The following ADGRB3 variants were observed in gnomAD, a reference collection of about 807,000 sequenced individuals.
The protein encoded by ADGRB3 is adhesion G protein-coupled receptor B3.
In ADGRB3, 37 loss-of-function variants were observed where a neutral mutation model predicts 193.4. The observed-to-expected ratio is 0.19, with a 90% CI of 0.15 to 0.25. The LOEUF (loss-of-function observed/expected upper bound fraction) is 0.25, where lower values mean the gene tolerates loss of function less well. Ranked by LOEUF, ADGRB3 falls within the 10% of genes least tolerant of loss-of-function variation. The pLI is 1.00. For missense variants in ADGRB3, 1,637 were observed against 1,852.9 expected, an observed-to-expected ratio of 0.88 and a Z score of 2.14; for synonymous variants, 690 against 644.2, an observed-to-expected ratio of 1.07 and a Z score of -1.08.
At chr6:68,852,164 A>C (rs1311217883) in intron 3 of ADGRB3, among the ~76,000 whole-genome samples, 2 of 151,898 alleles carry the variant, frequency 1.3e-5, no homozygotes, top group Non-Finnish European at 3.0e-5. Flanking sequence ...AAAATTATTT[A>C]TCAAATACCA....
chr6:69,343,792 G>C (rs1271333244), intron 26 of ADGRB3, among the ~76,000 whole-genome samples: 2 of 152,048 alleles, frequency 1.3e-5, no homozygotes, highest in Non-Finnish European at 2.9e-5. Context: ...TTTAGCAACA[G>C]AACCTAAATC....
chr6:69,326,405 G>A (rs997868583), intron 21 of ADGRB3, among the ~76,000 whole-genome samples: 3 of 152,116 alleles, frequency 2.0e-5, no homozygotes, highest in Admixed American at 1.3e-4. Flanking sequence ...ACAGGTAAAA[G>A]AACACATTTT....
intron 30 of ADGRB3, among the ~76,000 whole-genome samples, chr6:69,373,304 T>G (rs1193004849): frequency 6.6e-6 from 1 of 152,062 alleles, no homozygotes; most frequent in Non-Finnish European, 1.5e-5. Context: ...TGCTAACTAC[T>G]CCTAATTCAG....
chr6:68,724,665 T>G (rs1230575417), intron 3 of ADGRB3, among the ~76,000 whole-genome samples: 1 of 54,776 alleles, frequency 1.8e-5, no homozygotes, highest in Admixed American at 1.8e-4. Flanking sequence ...AAACCCATAT[T>G]TTTTTTTTTT....
At chr6:68,711,766 A>T (rs1329829768) in intron 3 of ADGRB3, among the ~76,000 whole-genome samples, 2 of 152,078 alleles carry the variant, frequency 1.3e-5, no homozygotes, top group East Asian at 1.9e-4. Flanking sequence ...ATTCATACTC[A>T]TGGCTTCAAT....
intron 3 of ADGRB3, among the ~76,000 whole-genome samples, chr6:68,751,020 G>A (rs965197435): frequency 2.6e-5 from 4 of 152,070 alleles, no homozygotes; most frequent in African/African-American, 9.7e-5. Context: ...TCCCTTGAGT[G>A]CAGGTTTCCT....
chr6:69,139,413 G>C (rs556559629), intron 17 of ADGRB3, among the ~76,000 whole-genome samples: 6 of 152,232 alleles, frequency 3.9e-5, no homozygotes, highest in Non-Finnish European at 8.8e-5. Flanking sequence ...CTCTCAGTGA[G>C]AGATGTTATT....
intron 3 of ADGRB3, among the ~76,000 whole-genome samples, chr6:68,885,174 TTGAA>T (rs982339901): frequency 1.3e-5 from 2 of 152,058 alleles, no homozygotes; most frequent in Non-Finnish European, 2.9e-5. Flanking sequence ...CTGGGAGAAT[TTGAA>T]TGGTCTGAAG....
At chr6:69,242,036 A>G (rs1021628451) in intron 20 of ADGRB3, among the ~76,000 whole-genome samples, 1 of 151,778 alleles carries the variant, frequency 6.6e-6, no homozygotes, top group Admixed American at 6.6e-5. Flanking sequence ...ACAATATCAC[A>G]TTTTCTAGGG....
intron 24 of ADGRB3, among the ~76,000 whole-genome samples, chr6:69,337,263 T>C (rs543229530): frequency 1.6e-4 from 25 of 152,342 alleles, no homozygotes; most frequent in African/African-American, 5.8e-4. Flanking sequence ...ACAGCCTATC[T>C]TCTGTGATAA....
chr6:69,010,503 A>G (rs904444160), intron 11 of ADGRB3, among the ~76,000 whole-genome samples: 6 of 152,134 alleles, frequency 3.9e-5, no homozygotes, highest in African/African-American at 1.4e-4. Flanking sequence ...TAAAGTTGCC[A>G]TATATCAAGC....
At chr6:68,974,567 C>T (rs536841354) in intron 8 of ADGRB3, among the ~76,000 whole-genome samples, 196 bp from the exon 9 acceptor site, 17 of 151,880 alleles carry the variant, frequency 1.1e-4, no homozygotes, top group Non-Finnish European at 1.8e-4. Context: ...CAGTAGTTTG[C>T]GGCTGCACAG....
chr6:68,980,324 G>A (rs566798410), intron 10 of ADGRB3, among the ~76,000 whole-genome samples: 33 of 151,604 alleles, frequency 2.2e-4, no homozygotes, highest in African/African-American at 7.2e-4. Context: ...CTTATGGGTA[G>A]TTTATTAGAA....
chr6:69,226,957 T>C (rs185543379), intron 17 of ADGRB3, among the ~76,000 whole-genome samples: 1 of 152,362 alleles, frequency 6.6e-6, no homozygotes, highest in South Asian at 2.1e-4. Context: ...TTTTGATCAA[T>C]TCAAGTCACC....
At chr6:68,886,413 C>A (rs2150227073) in intron 3 of ADGRB3, among the ~76,000 whole-genome samples, 1 of 152,200 alleles carries the variant, frequency 6.6e-6, no homozygotes, top group South Asian at 2.1e-4. Context: ...AATGCTGTAA[C>A]TTTTCTCTAT....
chr6:68,797,530 A>G (rs1437543584), intron 3 of ADGRB3, among the ~76,000 whole-genome samples: 1 of 152,052 alleles, frequency 6.6e-6, no homozygotes, highest in Non-Finnish European at 1.5e-5. Flanking sequence ...GCATCTTTGG[A>G]AAGTAGGGAA....
Position 69,049,303 on chromosome 6 carries a change from G to A in ADGRB3, c.2290G>A (p.Ala764Thr), listed in dbSNP as rs112866971. The A allele has an allele frequency of 8.2e-5, 132 of 1,608,296 alleles. No individual in the cohort carries two copies. Among genetic ancestry groups the A allele is most frequent in the African/African-American group, 5.5e-4 (41 of 74,796 alleles). The change falls in exon 15 of 32, where the codon GCA becomes ACA. Residue 764 changes from alanine (A) to threonine (T), a missense_variant. Physicochemically the swap from Ala to Thr is moderately conservative, Grantham distance 58. Around this residue, in one of 7 missense-constraint regions of ADGRB3, gnomAD observed 641 missense variants for 673.9 expected, o/e 0.95. Transcript: ENST00000370598. ...TGAATCATCTGTATTTGTTCTTGGC[G>A]CAGTCCTATACAAAAACTTAGATCT... ...LDESSVFVLGAVLYKNLDLIL... is the reference protein window; with the variant it reads ...LDESSVFVLGTVLYKNLDLIL...
chr6:68,908,236 T>G (rs890409089), intron 3 of ADGRB3, among the ~76,000 whole-genome samples: 4 of 152,036 alleles, frequency 2.6e-5, no homozygotes, highest in African/African-American at 7.2e-5. Context: ...GATGACCAAT[T>G]CTAAGGTTTC....
chr6:69,296,525 G>C (rs1767821281), intron 20 of ADGRB3, among the ~76,000 whole-genome samples: 1 of 152,110 alleles, frequency 6.6e-6, no homozygotes, highest in African/African-American at 2.4e-5. Context: ...ATGAGACAGA[G>C]TGTCTTTCAG....
Sources: allele counts gnomAD v4.1 joint callset (sites outside exome capture counted in the v4.1 genomes callset), GRCh38; gene constraint gnomAD v4.1.1; regional missense constraint gnomAD v4.1.1; transcripts MANE v1.5; gene names NCBI Gene and HGNC (gene_info 2026-07-23, HGNC 2026-07-21).